Variants in DOP1B observed in about 807,000 individuals in gnomAD.
DOP1B encodes the protein protein DOP1B.
A neutral mutation model predicts 233.5 loss-of-function variants in DOP1B; 174 were observed. The observed-to-expected ratio is 0.75, with a 90% CI of 0.66 to 0.85. The LOEUF (loss-of-function observed/expected upper bound fraction) is 0.85. Ranked by LOEUF, DOP1B falls within the 40% of genes least tolerant of loss-of-function variation. The pLI is 0.00. For missense variants in DOP1B, 2,652 were observed against 2,846.6 expected (o/e 0.93, Z 1.56); for synonymous variants, 1,190 against 1,185.6 (o/e 1.00, Z -0.08).
intron 23 of DOP1B, among the ~76,000 whole-genome samples, chr21:36,254,762 A>C (rs2067073461): frequency 1.3e-5 from 2 of 152,056 alleles, no homozygotes; most frequent in Non-Finnish European, 2.9e-5. Flanking sequence ...TTATTTGGCA[A>C]CCTTGAGCTT....
intron 16 of DOP1B, among the ~76,000 whole-genome samples, chr21:36,238,397 A>T (rs2066851311): frequency 1.3e-5 from 2 of 152,288 alleles, no homozygotes; most frequent in South Asian, 4.1e-4. Context: ...CCGCTGTGTT[A>T]AAGTGAACAA....
At chr21:36,235,443 G>C (rs117833633) in intron 15 of DOP1B, among the ~76,000 whole-genome samples, 1 of 151,996 alleles carries the variant, frequency 6.6e-6, no homozygotes, top group African/African-American at 2.4e-5. Flanking sequence ...AGGAAGGCCC[G>C]GCTCGGTGGC....
chr21:36,237,299 A>T lies in DOP1B; in HGVS notation c.2660A>T (p.Glu887Val). The T allele has an allele frequency of 3.1e-6, 5 of 1,614,164 alleles. No homozygotes were observed. Among genetic ancestry groups the T allele is most frequent in the Non-Finnish European group, 4.2e-6 (5 of 1,180,030 alleles). Residue 887 changes from glutamate (E) to valine (V), a missense_variant, in exon 16 of 37, where the codon GAG becomes GTG. Glu to Val is a moderately radical substitution (Grantham distance 121, BLOSUM62 -2). Coordinates refer to ENST00000691173, the MANE Select transcript of DOP1B (RefSeq NM_001320714.2). ...GTGCTTTGGAATCAGCTGAACAAAG[A>T]GACCCGGGAGCATCACGTCACCTGC... ...ARVLWNQLNK[E>V]TREHHVTCVE...
intron 15 of DOP1B, among the ~76,000 whole-genome samples, chr21:36,235,913 T>C (rs1327192819): frequency 2.6e-5 from 4 of 151,420 alleles, no homozygotes; most frequent in Non-Finnish European, 5.9e-5. Flanking sequence ...AGAATTCAAT[T>C]GTAATGTGAT....
In DOP1B at chr21:36,256,373, C is replaced by T. The variant is rs527326595; in HGVS notation, c.5259+2464C>T. On this transcript the variant is annotated intron_variant, in intron 23 of 36. Coordinates refer to ENST00000691173, the MANE Select transcript of DOP1B (RefSeq NM_001320714.2). ...GGAGGATCAGTTGAGCACAGGAGTTCGAGGTTGCAGTGAGCTATGATTGAG... is the reference window on the plus strand; with the variant it reads ...GGAGGATCAGTTGAGCACAGGAGTTTGAGGTTGCAGTGAGCTATGATTGAG... Among the ~76,000 whole-genome samples, 13 of 152,102 alleles carry T rather than the reference C, an allele frequency of 8.5e-5. No homozygotes were observed. In the South Asian group the frequency reaches 2.3e-3, roughly 27 times the overall value.
At chr21:36,217,101 T>C (rs1244607028) in intron 9 of DOP1B, among the ~76,000 whole-genome samples, 2 of 146,610 alleles carry the variant, frequency 1.4e-5, no homozygotes, top group African/African-American at 2.5e-5. Context: ...AAAAGAGAGC[T>C]GAGGGCATTA....
At position 36,246,045 on chromosome 21, in the gene DOP1B, A is replaced by G. The variant is rs1192478008; in HGVS notation, c.4065A>G (p.Ile1355Met). ...AAAGTGTCGAGGTTTTGATCAGGAT[A>G]ATGATGCAGCTGGTCTCAGTGGCCA... ...QVKSVEVLIR[I>M]MMQLVSVAKS... Residue 1355 changes from isoleucine (I) to methionine (M), a missense_variant, in exon 19 of 37, where the codon ATA (isoleucine) becomes ATG (methionine). This residue lies in a region of DOP1B where 2,617 missense variants were observed against 2,794.3 expected (regional missense o/e 0.94). Coordinates refer to ENST00000691173, the MANE Select transcript of DOP1B (RefSeq NM_001320714.2). This position sits in a 1 kb window ranked among gnomAD's most constrained non-coding sequence, Gnocchi z 5.1. The G allele has an allele frequency of 1.2e-6, 2 of 1,613,708 alleles. No individual in the cohort carries two copies. Among genetic ancestry groups the G allele is most frequent in the Admixed American group, 3.3e-5 (2 of 59,958 alleles).
chr21:36,237,533 T>A, intron 16 of DOP1B, 119 bp downstream of exon 16: 1 of 1,291,406 alleles, frequency 7.7e-7, no homozygotes, highest in Non-Finnish European at 1.1e-6. Flanking sequence ...ACATCGTGAT[T>A]AATAAAATAA....
intron 32 of DOP1B, among the ~76,000 whole-genome samples, chr21:36,284,346 C>A (rs1231840109): frequency 2.7e-5 from 4 of 147,654 alleles, no homozygotes. Flanking sequence ...TCTCTGCTCA[C>A]TGCAATCTCT....
intron 2 of DOP1B, among the ~76,000 whole-genome samples, chr21:36,172,119 G>A (rs930514875): frequency 2.0e-5 from 3 of 152,112 alleles, no homozygotes; most frequent in Non-Finnish European, 4.4e-5. Context: ...CATGGGAAGG[G>A]GACAGGAGTA....
intron 27 of DOP1B, among the ~76,000 whole-genome samples, chr21:36,273,357 A>C (rs2067312734): frequency 6.6e-6 from 1 of 152,084 alleles, no homozygotes; most frequent in Non-Finnish European, 1.5e-5. Flanking sequence ...CAGTGCGCCG[A>C]GATCGTGCCA....
intron 27 of DOP1B, among the ~76,000 whole-genome samples, chr21:36,272,871 C>A (rs1359225921): frequency 6.7e-6 from 1 of 150,290 alleles, no homozygotes; most frequent in Non-Finnish European, 1.5e-5. Context: ...GGAATCCCAT[C>A]TACTCCGGAG....
rs2067585363 is a variant in DOP1B at position 36,293,789 on chromosome 21, C to A, written c.*218C>A. 1 of 493,282 alleles carries A rather than the reference C, an allele frequency of 2.0e-6. No homozygotes were observed. The highest frequency in any genetic ancestry group is 3.7e-6 in the Non-Finnish European group (1 of 273,128). The allele number at this position is 493,282 out of a possible 1,614,324, so 30.6% of individuals were successfully genotyped here. A position where few individuals can be genotyped will look rare whatever the true frequency, so the allele number is the denominator to read the frequency against. On this transcript the variant is annotated 3_prime_UTR_variant, in exon 37 of 37. Transcript: ENST00000691173. The stretch of plus-strand genomic sequence containing the variant: ...CTTGAGGTCAGGAGTTCGAGACCAG[C>A]CTGACCAACATGGTGAGACCCTGTC...
intron 13 of DOP1B, among the ~76,000 whole-genome samples, chr21:36,230,069 C>T (rs563280306): frequency 2.6e-5 from 4 of 152,254 alleles, no homozygotes; most frequent in African/African-American, 9.6e-5. Context: ...AGAATTGTGG[C>T]AGGTGATCCG....
chr21:36,290,591 G>A (rs71330666), intron 35 of DOP1B, among the ~76,000 whole-genome samples: 4,945 of 152,246 alleles, frequency 0.032, 108 homozygotes, highest in Non-Finnish European at 0.046. Flanking sequence ...CTGAGTTTGG[G>A]ATCAGCCTGA....
Position 36,251,229 on chromosome 21 carries a change from C to T in DOP1B, c.5066C>T (p.Ala1689Val), listed in dbSNP as rs761610546. ...GCCCATCTTGGGGTTCAGTTGACAGCGGCTGTTGCGGCAGTGTGGAGCAGA... is the reference window on the plus strand; with the variant it reads ...GCCCATCTTGGGGTTCAGTTGACAGTGGCTGTTGCGGCAGTGTGGAGCAGA... Reference protein sequence around the residue: ...LTAHLGVQLTAAVAAVWSRKK... With the variant: ...LTAHLGVQLTVAVAAVWSRKK... Residue 1689 changes from alanine to valine, a missense_variant, in exon 22 of 37, where the codon GCG becomes GTG. Physicochemically the swap from Ala to Val is moderately conservative, Grantham distance 64 (BLOSUM62 0). This residue lies in a region of DOP1B where 2,617 missense variants were observed against 2,794.3 expected (regional missense o/e 0.94). Transcript: ENST00000691173. 1.2e-5 allele frequency: 19 copies of T among 1,613,844 alleles called. 1 individual carries two copies. The highest frequency in any genetic ancestry group is 1.1e-4 in the South Asian group (10 of 91,076).
intron 24 of DOP1B, chr21:36,260,976 G>T (rs898941903): frequency 3.3e-5 from 41 of 1,246,264 alleles, no homozygotes; most frequent in Non-Finnish European, 4.0e-5. Context: ...TTTATGTGAG[G>T]CCTGTTAAAC....
At chr21:36,264,188 A>C (rs1368114826) in intron 26 of DOP1B, among the ~76,000 whole-genome samples, 1 of 152,246 alleles carries the variant, frequency 6.6e-6, no homozygotes, top group East Asian at 1.9e-4. Context: ...TGGGAGGCTG[A>C]GGCGGGCAGA....
intron 2 of DOP1B, among the ~76,000 whole-genome samples, chr21:36,197,810 G>A (rs1345871753): frequency 6.6e-6 from 1 of 151,440 alleles, no homozygotes; most frequent in Non-Finnish European, 1.5e-5. Context: ...AGGAGTTCGA[G>A]ACCAGTCTGG....
Sources: gnomAD v4.1 joint callset for allele counts (sites outside exome capture counted in the v4.1 genomes callset) on GRCh38, gnomAD v4.1.1 for gene constraint, gnomAD v4.1.1 regional missense constraint, Gnocchi (gnomAD v3.1) non-coding constraint, MANE v1.5 for transcripts, NCBI Gene and HGNC (gene_info 2026-07-23, HGNC 2026-07-21) for gene names.